The following SELENOF variants were observed in gnomAD, a reference collection of about 807,000 sequenced individuals.
The protein encoded by SELENOF is selenoprotein F.
Under a neutral mutation model 20.5 loss-of-function variants are expected in SELENOF, and 16 were observed. The ratio of observed to expected loss-of-function variants is 0.78; its 90% CI spans 0.53 to 1.19. The LOEUF (loss-of-function observed/expected upper bound fraction) is 1.19, where lower values mean the gene tolerates loss of function less well. Among genes scored for constraint, SELENOF ranks in the 50% most tolerant of loss-of-function variants. The pLI, the probability that SELENOF is intolerant of heterozygous loss-of-function variation, is 0.00. For missense variants in SELENOF, 215 were observed against 194.2 expected (o/e 1.11, Z -0.64); for synonymous variants, 78 against 74.5 (o/e 1.05, Z -0.24).
At chr1:86,905,667 T>C (rs879720851) in intron 1 of SELENOF, among the ~76,000 whole-genome samples, 1 of 152,226 alleles carries the variant, frequency 6.6e-6, no homozygotes, top group East Asian at 1.9e-4. Context: ...CATATATCTG[T>C]TGGATAAATA....
intron 2 of SELENOF, among the ~76,000 whole-genome samples, chr1:86,900,260 G>T (rs1224263986): frequency 2.6e-5 from 4 of 151,850 alleles, no homozygotes; most frequent in African/African-American, 4.8e-5. Flanking sequence ...AGGTTGTAGC[G>T]AGCCGAGATC....
chr1:86,888,884 T>C (rs1384564080), intron 2 of SELENOF, among the ~76,000 whole-genome samples: 1 of 152,182 alleles, frequency 6.6e-6, no homozygotes, highest in African/African-American at 2.4e-5. Flanking sequence ...TGACCTCAGG[T>C]GATCCACCCG....
At chr1:86,914,257 T>C (rs1036678207), upstream of SELENOF, 20 of 697,914 alleles carry the variant, frequency 2.9e-5, no homozygotes, top group South Asian at 3.3e-4. Context: ...ATATGAAAGC[T>C]TAAAAGTCAT....
chr1:86,902,758 TAC>T (rs1284191162), intron 2 of SELENOF, among the ~76,000 whole-genome samples: 3 of 152,262 alleles, frequency 2.0e-5, no homozygotes, highest in African/African-American at 7.2e-5. Context: ...GAGACTGAAC[TAC>T]CTATCCTTGG....
At chr1:86,883,433 T>C (rs1659129079) in intron 2 of SELENOF, among the ~76,000 whole-genome samples, 1 of 152,112 alleles carries the variant, frequency 6.6e-6, no homozygotes, top group Non-Finnish European at 1.5e-5. Context: ...AAATAGTGAA[T>C]TTTAGTGTAT....
intron 2 of SELENOF, among the ~76,000 whole-genome samples, chr1:86,895,127 A>G (rs1659485337): frequency 6.6e-6 from 1 of 152,236 alleles, no homozygotes; most frequent in South Asian, 2.1e-4. Context: ...AGTTATAAAT[A>G]GTAAAAATTT....
intron 2 of SELENOF, among the ~76,000 whole-genome samples, chr1:86,888,610 T>A (rs975242518): frequency 6.6e-6 from 1 of 152,134 alleles, no homozygotes; most frequent in African/African-American, 2.4e-5. Context: ...GCTGATATTA[T>A]CCCTCCAATA....
intron 1 of SELENOF, among the ~76,000 whole-genome samples, chr1:86,909,420 A>T (rs1659919822): frequency 6.6e-6 from 1 of 152,098 alleles, no homozygotes; most frequent in Non-Finnish European, 1.5e-5. Context: ...TATTTTTGAG[A>T]GTGGTTGGGC....
At chr1:86,884,156 A>G (rs938304827) in intron 2 of SELENOF, among the ~76,000 whole-genome samples, 17 of 152,190 alleles carry the variant, frequency 1.1e-4, no homozygotes, top group African/African-American at 3.9e-4. Flanking sequence ...AACTATTCAT[A>G]TAACAAAATT....
At chr1:86,884,199 A>C (rs1157080408) in intron 2 of SELENOF, among the ~76,000 whole-genome samples, 1 of 152,156 alleles carries the variant, frequency 6.6e-6, no homozygotes, top group Admixed American at 6.5e-5. Context: ...AAACTTCAAA[A>C]ATATTTCAAG....
intron 3 of SELENOF, among the ~76,000 whole-genome samples, chr1:86,873,852 CAAAA>C (rs56407738): frequency 4.6e-5 from 6 of 131,542 alleles, no homozygotes; most frequent in Non-Finnish European, 4.9e-5. Context: ...AACTCCGTCT[CAAAA>C]AAAAAAAAAA....
intron 2 of SELENOF, among the ~76,000 whole-genome samples, chr1:86,891,426 G>C (rs1262982076): frequency 6.6e-6 from 1 of 152,110 alleles, no homozygotes; most frequent in Admixed American, 6.5e-5. Context: ...GAAATATTTA[G>C]TGTATAAATG....
chr1:86,885,255 C>T (rs1195408957), intron 2 of SELENOF, among the ~76,000 whole-genome samples: 1 of 152,052 alleles, frequency 6.6e-6, no homozygotes, highest in Non-Finnish European at 1.5e-5. Context: ...TCAAACTGTA[C>T]TGAGATTAGT....
intron 3 of SELENOF, among the ~76,000 whole-genome samples, chr1:86,869,591 T>C (rs1476620965): frequency 6.6e-6 from 1 of 152,182 alleles, no homozygotes; most frequent in African/African-American, 2.4e-5. Flanking sequence ...TTTGGGAAAG[T>C]TTTAAATGAA....
intron 3 of SELENOF, among the ~76,000 whole-genome samples, chr1:86,872,670 G>T (rs1440543494): frequency 6.7e-6 from 1 of 150,318 alleles, no homozygotes; most frequent in Non-Finnish European, 1.5e-5. Context: ...CGTGAGCCAC[G>T]AATGCGGGCA....
intron 1 of SELENOF, among the ~76,000 whole-genome samples, chr1:86,904,662 T>C (rs887317089): frequency 6.6e-6 from 1 of 152,194 alleles, no homozygotes; most frequent in Non-Finnish European, 1.5e-5. Context: ...TTGGTTTCTA[T>C]TATCTTTATT....
At chr1:86,903,535 T>G in intron 1 of SELENOF, 87 bp from the exon 2 acceptor site, 1 of 911,412 alleles carries the variant, frequency 1.1e-6, no homozygotes, top group Non-Finnish European at 1.6e-6. Flanking sequence ...TGTCAAAAAC[T>G]AACACATTGA....
At chr1:86,892,136 G>A (rs950335187) in intron 2 of SELENOF, among the ~76,000 whole-genome samples, 1 of 151,444 alleles carries the variant, frequency 6.6e-6, no homozygotes, top group Non-Finnish European at 1.5e-5. Context: ...GTTTCACCAT[G>A]TTAGCCAGGA....
chr1:86,872,837 T>C (rs1658812997), intron 3 of SELENOF, among the ~76,000 whole-genome samples: 1 of 151,866 alleles, frequency 6.6e-6, no homozygotes, highest in South Asian at 2.1e-4. Flanking sequence ...GGTCAGGAGA[T>C]TGAGACCATC....
Sources: gnomAD v4.1 joint callset for allele counts (sites outside exome capture counted in the v4.1 genomes callset) on GRCh38, gnomAD v4.1.1 for gene constraint, MANE v1.5 for transcripts, NCBI Gene and HGNC (gene_info 2026-07-23, HGNC 2026-07-21) for gene names.